NELL1: variants seen among roughly 807,000 people sequenced by gnomAD.
NELL1 encodes the protein neural EGFL like 1, also known as protein kinase C-binding protein NELL1.
NELL1 carries 76 observed loss-of-function variants against 107.4 expected under a neutral mutation model. That is an observed-to-expected ratio of 0.71 (90% CI 0.59 to 0.86). The LOEUF is 0.86. Ranked by LOEUF, NELL1 falls within the 40% of genes least tolerant of loss-of-function variation. The pLI, the probability that NELL1 is intolerant of heterozygous loss-of-function variation, is 0.00. For synonymous variants in NELL1, 353 were observed against 341.2 expected, an observed-to-expected ratio of 1.03 and a Z score of -0.38; for missense variants, 1,024 against 1,005.5, an observed-to-expected ratio of 1.02 and a Z score of -0.25.
intron 15 of NELL1, among the ~76,000 whole-genome samples, chr11:21,419,822 T>C (rs557157051): frequency 1.3e-5 from 2 of 152,204 alleles, no homozygotes; most frequent in Non-Finnish European, 2.9e-5. Flanking sequence ...GAGAAATTTG[T>C]CTTTCATGAA....
At chr11:20,896,534 T>C (rs1340659958) in intron 5 of NELL1, among the ~76,000 whole-genome samples, 1 of 152,200 alleles carries the variant, frequency 6.6e-6, no homozygotes, top group African/African-American at 2.4e-5. Flanking sequence ...CTTTTGGTTC[T>C]TTAAAGAATC....
At chr11:20,714,160 C>T (rs573656367) in intron 2 of NELL1, among the ~76,000 whole-genome samples, 2 of 147,940 alleles carry the variant, frequency 1.4e-5, no homozygotes, top group East Asian at 4.0e-4. Flanking sequence ...GAAGTGGGAG[C>T]TACCTCCCCT....
intron 13 of NELL1, among the ~76,000 whole-genome samples, chr11:21,133,788 G>A (rs1249481917): frequency 6.6e-6 from 1 of 152,180 alleles, no homozygotes; most frequent in Non-Finnish European, 1.5e-5. Flanking sequence ...AGCCTTCAGG[G>A]GTACAGGGGC....
chr11:20,805,979 T>G (rs1857374485), intron 3 of NELL1, among the ~76,000 whole-genome samples: 1 of 152,246 alleles, frequency 6.6e-6, no homozygotes, highest in South Asian at 2.1e-4. Context: ...TTAGTTTTGC[T>G]TGGTTCATGT....
intron 12 of NELL1, among the ~76,000 whole-genome samples, chr11:21,082,792 A>G (rs889692013): frequency 6.6e-6 from 1 of 152,156 alleles, no homozygotes; most frequent in Non-Finnish European, 1.5e-5. Context: ...CTTTGTTCTC[A>G]TATCTTCTTC....
intron 14 of NELL1, among the ~76,000 whole-genome samples, chr11:21,358,692 C>T (rs1023311935): frequency 2.0e-5 from 3 of 148,770 alleles, no homozygotes; most frequent in Admixed American, 1.4e-4. Context: ...GGTGGGATTA[C>T]AGGCGTGACC....
At chr11:21,137,391 A>G (rs577051143) in intron 13 of NELL1, among the ~76,000 whole-genome samples, 1 of 152,350 alleles carries the variant, frequency 6.6e-6, no homozygotes, top group South Asian at 2.1e-4. Context: ...CTAGAGGATC[A>G]TACAGGCTCA....
chr11:21,183,436 A>C (rs1051315027), intron 13 of NELL1, among the ~76,000 whole-genome samples: 5 of 151,952 alleles, frequency 3.3e-5, no homozygotes, highest in African/African-American at 1.2e-4. Flanking sequence ...AAAGCTTGCG[A>C]ATGAGAATAT....
At chr11:21,374,495 G>GCGC (rs1851423789) in intron 15 of NELL1, among the ~76,000 whole-genome samples, 1 of 152,032 alleles carries the variant, frequency 6.6e-6, no homozygotes, top group African/African-American at 2.4e-5. Context: ...GGAGGAAGCT[G>GCGC]TAATGCTTTT....
chr11:21,218,923 A>G (rs1457868321), intron 13 of NELL1, among the ~76,000 whole-genome samples: 2 of 152,162 alleles, frequency 1.3e-5, no homozygotes, highest in Non-Finnish European at 2.9e-5. Flanking sequence ...TATGTTGGCT[A>G]TTGTGAATAA....
intron 13 of NELL1, among the ~76,000 whole-genome samples, chr11:21,130,093 CT>C (rs1156996326): frequency 6.6e-6 from 1 of 152,102 alleles, no homozygotes; most frequent in Non-Finnish European, 1.5e-5. Context: ...AGGCATCCAC[CT>C]TTTTATTTTA....
intron 12 of NELL1, among the ~76,000 whole-genome samples, chr11:21,072,183 T>C (rs1450266346): frequency 6.6e-6 from 1 of 152,198 alleles, no homozygotes; most frequent in African/African-American, 2.4e-5. Flanking sequence ...GGTGAACTTT[T>C]GGGTAGCTTA....
intron 14 of NELL1, among the ~76,000 whole-genome samples, chr11:21,234,666 T>A (rs1318332441): frequency 6.6e-6 from 1 of 152,202 alleles, no homozygotes; most frequent in Non-Finnish European, 1.5e-5. Flanking sequence ...ATTATGAGTA[T>A]GTTTGCATTG....
At chr11:21,418,835 T>C (rs894408934) in intron 15 of NELL1, among the ~76,000 whole-genome samples, 8 of 152,108 alleles carry the variant, frequency 5.3e-5, no homozygotes, top group Non-Finnish European at 1.0e-4. Flanking sequence ...TACAGACCAT[T>C]CCTTATGTGT....
At chr11:21,445,522 G>A (rs866539665) in intron 15 of NELL1, among the ~76,000 whole-genome samples, 1 of 152,036 alleles carries the variant, frequency 6.6e-6, no homozygotes. Flanking sequence ...TTTAGTAGAT[G>A]TGTGTTTTCT....
intron 14 of NELL1, among the ~76,000 whole-genome samples, chr11:21,364,642 A>G (rs1441347206): frequency 6.6e-6 from 1 of 152,162 alleles, no homozygotes; most frequent in Non-Finnish European, 1.5e-5. Flanking sequence ...TTCTGTTTAT[A>G]TGTGCATATA....
At chr11:21,108,577 G>A (rs1361880395) in intron 12 of NELL1, among the ~76,000 whole-genome samples, 1 of 151,988 alleles carries the variant, frequency 6.6e-6, no homozygotes, top group East Asian at 1.9e-4. Context: ...GCTGCAATGG[G>A]GTTTATAGAT....
rs375358364 is a variant in NELL1, at chr11:21,550,772, C to T, written c.1787-9417C>T. Among the ~76,000 whole-genome samples the T allele has an allele frequency of 2.5e-3, 384 of 152,064 alleles. 3 individuals are homozygous for T. The highest frequency in any genetic ancestry group is 8.5e-3 in the African/African-American group (351 of 41,490). On this transcript the variant is annotated intron_variant, in intron 16 of 19. Coordinates refer to ENST00000357134, the MANE Select transcript of NELL1 (RefSeq NM_006157.5). ...TGTAGTGTAGTTTGAAGTCAGGTAG[C>T]GTGATGCCTCCAGCTTTGTTCTTTT... is the stretch of plus-strand genomic sequence containing the variant.
In NELL1 at chr11:20,984,615, C is replaced by T. The variant is rs530804199; in HGVS notation, c.1300+24055C>T. Reference sequence around the variant, plus strand: ...AGCTCTTTCTTTACATTTTTCCTAGCCTTTACGGCCATCTCCTCCTTTAAC... The same window carrying T: ...AGCTCTTTCTTTACATTTTTCCTAGTCTTTACGGCCATCTCCTCCTTTAAC... On this transcript the variant is annotated intron_variant, in intron 12 of 19. Transcript: ENST00000357134. 5.9e-5 allele frequency among the ~76,000 whole-genome samples: 9 copies of T among 152,054 alleles called. No homozygotes were observed. In the South Asian group the frequency reaches 1.5e-3, roughly 25 times the overall value.
Sources: allele counts gnomAD v4.1 joint callset (sites outside exome capture counted in the v4.1 genomes callset), GRCh38; gene constraint gnomAD v4.1.1; transcripts MANE v1.5; gene names NCBI Gene and HGNC (gene_info 2026-07-23, HGNC 2026-07-21).